PRRG1: variants seen among roughly 807,000 people sequenced by gnomAD.
The protein encoded by PRRG1 is transmembrane gamma-carboxyglutamic acid protein 1.
A neutral mutation model predicts 11.8 loss-of-function variants in PRRG1; 5 were observed. The observed-to-expected ratio is 0.42, with a 90% CI of 0.22 to 0.89. The LOEUF (loss-of-function observed/expected upper bound fraction) is 0.89. Among genes scored for constraint, PRRG1 ranks in the 40% least tolerant of loss-of-function variants. PRRG1 has a pLI of 0.28. For missense variants in PRRG1, 155 were observed against 166.1 expected (o/e 0.93, Z 0.37); for synonymous variants, 66 against 60.4 (o/e 1.09, Z -0.43).
intron 1 of PRRG1, among the ~76,000 whole-genome samples, chrX:37,383,020 A>G (rs781803670): frequency 6.3e-5 from 7 of 111,576 alleles, no homozygotes; most frequent in Non-Finnish European, 1.1e-4. Flanking sequence ...CAAGCCTAGA[A>G]TTCCACATTA....
chrX:37,418,422 G>A (rs782730541), intron 2 of PRRG1, among the ~76,000 whole-genome samples: 7 of 111,790 alleles, frequency 6.3e-5, no homozygotes, highest in South Asian at 3.7e-4. Flanking sequence ...AAAAGAAATC[G>A]GCTTCCTTGT....
intron 1 of PRRG1, among the ~76,000 whole-genome samples, chrX:37,370,692 G>A (rs1409391624): frequency 4.5e-5 from 5 of 111,351 alleles, no homozygotes; most frequent in Non-Finnish European, 9.5e-5. Flanking sequence ...AGCTGTAGCT[G>A]CCCAGCCATG....
chrX:37,401,000 C>A (rs1446730731), intron 1 of PRRG1, among the ~76,000 whole-genome samples: 1 of 110,212 alleles, frequency 9.1e-6, no homozygotes, highest in African/African-American at 3.3e-5. Flanking sequence ...CAATAGCTTA[C>A]CAACGAAAAA....
intron 1 of PRRG1, among the ~76,000 whole-genome samples, chrX:37,374,523 A>G (rs373942639): frequency 1.8e-5 from 2 of 111,340 alleles, no homozygotes; most frequent in Admixed American, 1.9e-4. Context: ...TTCTACTGGT[A>G]TACTAAATTC....
chrX:37,362,063 G>A (rs1930432085), intron 1 of PRRG1, among the ~76,000 whole-genome samples: 1 of 111,561 alleles, frequency 9.0e-6, no homozygotes, highest in Non-Finnish European at 1.9e-5. Context: ...CAGTATCTTA[G>A]TCATTTTTCC....
At chrX:37,385,297 G>T (rs781868658) in intron 1 of PRRG1, among the ~76,000 whole-genome samples, 1 of 110,726 alleles carries the variant, frequency 9.0e-6, no homozygotes, top group East Asian at 2.8e-4. Flanking sequence ...TAATAAGTCA[G>T]GGTAGTCGTT....
At chrX:37,420,272 A>G (rs1015415917) in intron 2 of PRRG1, among the ~76,000 whole-genome samples, 18 of 111,341 alleles carry the variant, frequency 1.6e-4, no homozygotes, top group Non-Finnish European at 2.8e-4. Flanking sequence ...TGGGATATCC[A>G]TAAGATTAAA....
intron 1 of PRRG1, among the ~76,000 whole-genome samples, chrX:37,398,915 A>G (rs1483433842): frequency 9.0e-6 from 1 of 111,033 alleles, no homozygotes; most frequent in Non-Finnish European, 1.9e-5. Flanking sequence ...ATGAAGTGAG[A>G]AGGGAAGTTT....
chrX:37,428,159 G>T (rs1479108321), intron 3 of PRRG1, among the ~76,000 whole-genome samples: 3 of 110,625 alleles, frequency 2.7e-5, no homozygotes, highest in African/African-American at 9.9e-5. Flanking sequence ...TTTGGGTGGG[G>T]ACACAGCCAA....
At chrX:37,449,344 A>C (rs1302135503) in intron 3 of PRRG1, among the ~76,000 whole-genome samples, 1 of 111,973 alleles carries the variant, frequency 8.9e-6, no homozygotes, top group Non-Finnish European at 1.9e-5. Context: ...GTAGGTTCTG[A>C]CCTGATTGAT....
chrX:37,411,551 T>A (rs371097402), intron 2 of PRRG1, among the ~76,000 whole-genome samples: 1 of 112,089 alleles, frequency 8.9e-6, no homozygotes. Context: ...TTACAGTGTT[T>A]CGGTAGAATT....
At chrX:37,350,165 C>T (rs911352329) in intron 1 of PRRG1, among the ~76,000 whole-genome samples, 3 of 111,508 alleles carry the variant, frequency 2.7e-5, no homozygotes, top group Admixed American at 1.9e-4. Flanking sequence ...AGGAACAGCC[C>T]CAAGAGGGAT....
chrX:37,378,402 C>T (rs1330844000), intron 1 of PRRG1, among the ~76,000 whole-genome samples: 1 of 111,694 alleles, frequency 9.0e-6, no homozygotes, highest in Non-Finnish European at 1.9e-5. Context: ...TCCTATAATG[C>T]TTATATGAAG....
chrX:37,366,879 C>T (rs1299258667), intron 1 of PRRG1, among the ~76,000 whole-genome samples: 3 of 111,261 alleles, frequency 2.7e-5, no homozygotes, highest in African/African-American at 6.5e-5. Flanking sequence ...TACCAAGACC[C>T]GCTCATTGGA....
chrX:37,358,816 T>C (rs1930326810), intron 1 of PRRG1, among the ~76,000 whole-genome samples: 1 of 112,162 alleles, frequency 8.9e-6, no homozygotes, highest in Non-Finnish European at 1.9e-5. Flanking sequence ...AAAGAACTGA[T>C]ATCTTGAGAC....
At chrX:37,442,050 G>T (rs1932991044) in intron 3 of PRRG1, 2 of 771,381 alleles carry the variant, frequency 2.6e-6, no homozygotes, top group Non-Finnish European at 3.1e-6. Flanking sequence ...AGCTCACCCT[G>T]GGCGGCAGCG....
chrX:37,440,963 C>T (rs1932965376), intron 3 of PRRG1: 2 of 616,674 alleles, frequency 3.2e-6, no homozygotes, highest in African/African-American at 4.6e-5. Context: ...CAGACAAGGT[C>T]CCACCATGTT....
At chrX:37,358,248 T>C (rs1293946509) in intron 1 of PRRG1, among the ~76,000 whole-genome samples, 4 of 112,243 alleles carry the variant, frequency 3.6e-5, no homozygotes, top group Non-Finnish European at 5.6e-5. Context: ...TAGGAGTTTA[T>C]AATATTAAAT....
Position 37,421,691 on chromosome X carries a change from C to T in PRRG1, c.11-4149C>T, listed in dbSNP as rs1932664804. On this transcript the variant is annotated intron_variant, in intron 2 of 3. Transcript: ENST00000378628. Reference sequence around the variant, plus strand: ...TTAAAAAATTCTAATTTTAGGGGCACATGTTCTCAGGATCTCCTGAGGGCT... The same window carrying T: ...TTAAAAAATTCTAATTTTAGGGGCATATGTTCTCAGGATCTCCTGAGGGCT... 6.2e-5 allele frequency among the ~76,000 whole-genome samples: 7 copies of T among 112,062 alleles called. No homozygotes were observed. In the Admixed American group the frequency reaches 6.6e-4, roughly 11 times the overall value.
Sources: allele counts gnomAD v4.1 joint callset (sites outside exome capture counted in the v4.1 genomes callset), GRCh38; gene constraint gnomAD v4.1.1; transcripts MANE v1.5; gene names NCBI Gene and HGNC (gene_info 2026-07-23, HGNC 2026-07-21).